Variants in MCUR1 observed in about 807,000 individuals in gnomAD.
The protein encoded by MCUR1 is MCU regulator 1.
In MCUR1, 37 loss-of-function variants were observed where a neutral mutation model predicts 42.0. The observed-to-expected ratio is 0.88, with a 90% CI of 0.68 to 1.16. The LOEUF (loss-of-function observed/expected upper bound fraction) is 1.16. Among genes scored for constraint, MCUR1 ranks in the 50% most tolerant of loss-of-function variants. MCUR1 has a pLI of 0.00. For synonymous variants in MCUR1, 229 were observed against 196.2 expected (o/e 1.17, Z -1.40); for missense variants, 469 against 468.4 (o/e 1.00, Z -0.01).
chr6:13,809,126 T>C (rs762307883), intron 1 of MCUR1, among the ~76,000 whole-genome samples: 1 of 152,220 alleles, frequency 6.6e-6, no homozygotes, highest in Non-Finnish European at 1.5e-5. Flanking sequence ...TTAGGATCTG[T>C]GTGTCAATTT....
chr6:13,803,886 AC>A (rs1377207266), intron 2 of MCUR1: 1 of 983,188 alleles, frequency 1.0e-6, no homozygotes, highest in Non-Finnish European at 1.2e-6. Flanking sequence ...TAATCCTAAC[AC>A]TCTGGGAGAC....
chr6:13,790,576 C>T lies in MCUR1; in HGVS notation c.*233G>A, dbSNP rs1278714313. ...CTCCCAGGTTCACACCTTAGCCTCC[C>T]GAGTAGCTGGGACTACAGGCGCCCG... is the stretch of plus-strand genomic sequence containing the variant. On this transcript the variant is annotated 3_prime_UTR_variant, in exon 9 of 9. Transcript: ENST00000379170. 8 of 291,048 alleles carry T rather than the reference C, an allele frequency of 2.7e-5. No individual in the cohort carries two copies. Among genetic ancestry groups the T allele is most frequent in the Non-Finnish European group, 3.9e-5 (6 of 153,512 alleles). 18.0% of individuals were successfully genotyped at this position (291,048 alleles called of 1,614,324 possible).
At position 13,789,691 on chromosome 6, in the gene MCUR1, C is replaced by T. The variant is rs559404557; in HGVS notation, c.*1118G>A. 6.6e-6 allele frequency: 1 copy of T among 152,224 alleles called. No homozygotes were observed. The highest frequency in any genetic ancestry group is 2.1e-4 in the South Asian group (1 of 4,814). The allele number at this position is 152,224 out of a possible 1,614,324, so 9.4% of individuals were successfully genotyped here. On this transcript the variant is annotated 3_prime_UTR_variant, in exon 9 of 9. Transcript: ENST00000379170. The stretch of plus-strand genomic sequence containing the variant: ...CCCTTGTATAAAAAGTAAATGAAGA[C>T]CGGAAGGAAGCAGACTTTGTCCTGC...
At chr6:13,797,684 G>A (rs1759888332) in intron 6 of MCUR1, among the ~76,000 whole-genome samples, 1 of 150,662 alleles carries the variant, frequency 6.6e-6, no homozygotes, top group South Asian at 2.1e-4. Context: ...CTCCAGCCTG[G>A]GTGACAGAGC....
intron 2 of MCUR1, among the ~76,000 whole-genome samples, chr6:13,806,468 T>C (rs970570573): frequency 1.3e-5 from 2 of 152,236 alleles, no homozygotes; most frequent in Non-Finnish European, 2.9e-5. Flanking sequence ...AACACTGTAC[T>C]TCCATGGTGA....
In MCUR1 at chr6:13,796,419, C is replaced by T. The variant is rs974077995; in HGVS notation, c.855+2414G>A. Among the ~76,000 whole-genome samples, 14 of 151,686 alleles carry T rather than the reference C, an allele frequency of 9.2e-5. No homozygotes were observed. The East Asian group carries it at 1.2e-3, about 13-fold the overall frequency. The stretch of plus-strand genomic sequence containing the variant: ...TCTTCTGCCTCAGTCTCCCGAGTAG[C>T]TGAGACTACAGGTGGGCCATCACGC... On this transcript the variant is annotated intron_variant, in intron 6 of 8. Transcript: ENST00000379170.
Position 13,814,431 on chromosome 6 carries a change from C to T in MCUR1, c.-2G>A. ...GCCGCCGACCGAGCCGCAGTCCATC[C>T]CCGAGCAGTTCACTGGCCCGGGCGC... On this transcript the variant is annotated 5_prime_UTR_variant, in exon 1 of 9. Transcript: ENST00000379170. The T allele has an allele frequency of 1.3e-6, 2 of 1,526,628 alleles. No homozygotes were observed. The highest frequency in any genetic ancestry group is 1.7e-6 in the Non-Finnish European group (2 of 1,147,780). 94.6% of individuals were successfully genotyped at this position (1,526,628 alleles called of 1,614,324 possible).
At position 13,801,357 on chromosome 6, in the gene MCUR1, A is replaced by C; in HGVS notation, c.672T>G (p.Ile224Met). The change falls in exon 4 of 9, where the codon ATT becomes ATG. Residue 224 changes from isoleucine to methionine, a missense_variant. By Grantham distance (10) the Ile-to-Met change is conservative. Coordinates refer to ENST00000379170, the MANE Select transcript of MCUR1 (RefSeq NM_001031713.4). ...TAATCATATCCTTTTTCACATTCGC[A>C]ATCTGAGACATTACTTGCTGAAAAG... ...EITFQQVMSQ[I>M]ANVKKDMIIL... The C allele has an allele frequency of 6.2e-7, 1 of 1,612,438 alleles. No individual in the cohort carries two copies. The highest frequency in any genetic ancestry group is 8.5e-7 in the Non-Finnish European group (1 of 1,179,726).
At chr6:13,804,714 C>T (rs1263553985) in intron 2 of MCUR1, among the ~76,000 whole-genome samples, 9 of 144,030 alleles carry the variant, frequency 6.2e-5, no homozygotes, top group African/African-American at 1.3e-4. Context: ...GGCATGAACC[C>T]GGGAGGTGGA....
intron 8 of MCUR1, among the ~76,000 whole-genome samples, chr6:13,791,677 T>G (rs1197927391): frequency 6.6e-6 from 1 of 152,204 alleles, no homozygotes; most frequent in Non-Finnish European, 1.5e-5. Flanking sequence ...CACAATTACT[T>G]TATTTACTAC....
At chr6:13,792,891 T>C (rs923558753) in intron 7 of MCUR1, among the ~76,000 whole-genome samples, 1 of 151,860 alleles carries the variant, frequency 6.6e-6, no homozygotes, top group African/African-American at 2.4e-5. Flanking sequence ...AAAGGAGAAA[T>C]GTATGCTATA....
At chr6:13,793,849 A>G in intron 7 of MCUR1, 45 bp downstream of exon 7, 1 of 1,539,168 alleles carries the variant, frequency 6.5e-7, no homozygotes, top group Non-Finnish European at 9.0e-7. Flanking sequence ...GAACGAAGCA[A>G]AGATGAGTAC....
chr6:13,796,951 C>T (rs1341129677), intron 6 of MCUR1, among the ~76,000 whole-genome samples: 1 of 151,984 alleles, frequency 6.6e-6, no homozygotes, highest in Non-Finnish European at 1.5e-5. Flanking sequence ...TTCCAGACAC[C>T]AGTGACATGC....
intron 1 of MCUR1, among the ~76,000 whole-genome samples, chr6:13,809,795 T>C (rs191161940): frequency 5.3e-5 from 8 of 151,752 alleles, no homozygotes; most frequent in African/African-American, 1.9e-4. Flanking sequence ...TCCCAGCTAC[T>C]TGGGAGGCTG....
At position 13,787,469 on chromosome 6, in the gene MCUR1, C is replaced by G. The variant is rs993762793; in HGVS notation, c.*3340G>C. ...AAAAGTCATGTTTCCAGTAAAGAAC[C>G]GTACACACAAGCAGGTTTTGCTTAT... On this transcript the variant is annotated 3_prime_UTR_variant, in exon 9 of 9. Coordinates refer to ENST00000379170, the MANE Select transcript of MCUR1 (RefSeq NM_001031713.4). 6.6e-6 allele frequency: 1 copy of G among 152,050 alleles called. No individual in the cohort carries two copies. The highest frequency in any genetic ancestry group is 6.6e-5 in the Admixed American group (1 of 15,256). 9.4% of individuals were successfully genotyped at this position (152,050 alleles called of 1,614,324 possible). A position where few individuals can be genotyped will look rare whatever the true frequency, so the allele number is the denominator to read the frequency against.
At chr6:13,812,793 A>G (rs546809251) in intron 1 of MCUR1, among the ~76,000 whole-genome samples, 29 of 152,394 alleles carry the variant, frequency 1.9e-4, no homozygotes, top group East Asian at 7.7e-4. Context: ...GAATATGTAT[A>G]GACTGCCCAA....
intron 3 of MCUR1, among the ~76,000 whole-genome samples, chr6:13,801,891 A>G (rs1233949429): frequency 6.6e-6 from 1 of 152,066 alleles, no homozygotes; most frequent in Non-Finnish European, 1.5e-5. Flanking sequence ...CAAAAACCAC[A>G]TATCTGGTTA....
At position 13,789,973 on chromosome 6, in the gene MCUR1, G is replaced by C. The variant is rs1315934584; in HGVS notation, c.*836C>G. The C allele has an allele frequency of 6.6e-6, 1 of 152,138 alleles. No individual in the cohort carries two copies. Among genetic ancestry groups the C allele is most frequent in the Non-Finnish European group, 1.5e-5 (1 of 68,032 alleles). 9.4% of individuals were successfully genotyped at this position (152,138 alleles called of 1,614,324 possible). A position where few individuals can be genotyped will look rare whatever the true frequency, so the allele number is the denominator to read the frequency against. On this transcript the variant is annotated 3_prime_UTR_variant, in exon 9 of 9. Coordinates refer to ENST00000379170, the MANE Select transcript of MCUR1 (RefSeq NM_001031713.4). ...CTTACCAAGACAATGGAAATCAAAA[G>C]AAAAGAAGGTAGACGTGCAGCTGTC...
intron 6 of MCUR1, among the ~76,000 whole-genome samples, chr6:13,798,070 C>G (rs1345512989): frequency 6.6e-6 from 1 of 151,994 alleles, no homozygotes; most frequent in African/African-American, 2.4e-5. Context: ...CACAACTTCT[C>G]ACTGCACTTA....
Sources: gnomAD v4.1 joint callset for allele counts (sites outside exome capture counted in the v4.1 genomes callset) on GRCh38, gnomAD v4.1.1 for gene constraint, MANE v1.5 for transcripts, NCBI Gene and HGNC (gene_info 2026-07-23, HGNC 2026-07-21) for gene names.